Variants in TENM4 observed in about 807,000 individuals in gnomAD.
TENM4 encodes teneurin-4.
In TENM4, 82 loss-of-function variants were observed where a neutral mutation model predicts 243.3. That is an observed-to-expected ratio of 0.34 (90% CI 0.28 to 0.40). TENM4 has a LOEUF of 0.40. TENM4 is among the 10% of genes least tolerant of loss of function. The probability of loss-of-function intolerance (pLI) is 1.00; values close to 1 mark genes in which losing one functional copy is unlikely to be tolerated. For missense variants in TENM4, 3,138 were observed against 3,673.3 expected, an observed-to-expected ratio of 0.85 and a Z score of 3.77; for synonymous variants, 1,412 against 1,456.3, an observed-to-expected ratio of 0.97 and a Z score of 0.69.
At chr11:79,193,913 G>C (rs949338597) in intron 3 of TENM4, among the ~76,000 whole-genome samples, 1 of 152,168 alleles carries the variant, frequency 6.6e-6, no homozygotes, top group Non-Finnish European at 1.5e-5. Context: ...TCCAGACAGG[G>C]CCATGGGAGT....
At chr11:78,993,786 G>T (rs1858102134) in intron 6 of TENM4, among the ~76,000 whole-genome samples, 2 of 152,100 alleles carry the variant, frequency 1.3e-5, no homozygotes, top group Non-Finnish European at 2.9e-5. Context: ...TCCTTGAACA[G>T]ATTTATAGTA....
At chr11:78,842,973 A>G (rs576604799) in intron 12 of TENM4, among the ~76,000 whole-genome samples, 1 of 152,238 alleles carries the variant, frequency 6.6e-6, no homozygotes, top group South Asian at 2.1e-4. Flanking sequence ...CAGGAGTTCA[A>G]AACCAGTCGG....
intron 20 of TENM4, among the ~76,000 whole-genome samples, chr11:78,735,272 G>A (rs1226027741): frequency 6.6e-6 from 1 of 152,160 alleles, no homozygotes; most frequent in Non-Finnish European, 1.5e-5. Context: ...CCTGAGGTGG[G>A]GTTTATTTTG....
chr11:78,732,225 T>C (rs545581307), intron 21 of TENM4, 91 bp downstream of exon 21: 1 of 1,492,382 alleles, frequency 6.7e-7, no homozygotes, highest in Admixed American at 2.3e-5. Flanking sequence ...CCTACAGAGG[T>C]GTTTTTTCTC....
chr11:79,202,492 T>G (rs894889203), intron 3 of TENM4, among the ~76,000 whole-genome samples: 4 of 152,212 alleles, frequency 2.6e-5, no homozygotes, highest in Non-Finnish European at 5.9e-5. Context: ...GAAAACCAAT[T>G]TAAATAAACT....
intron 9 of TENM4, among the ~76,000 whole-genome samples, chr11:78,867,253 C>G (rs1415861309): frequency 6.6e-6 from 1 of 152,048 alleles, no homozygotes; most frequent in East Asian, 1.9e-4. Context: ...CTCCAAACCT[C>G]CCACTAGCCT....
chr11:78,754,972 A>G (rs1856273174), intron 19 of TENM4, among the ~76,000 whole-genome samples: 1 of 152,112 alleles, frequency 6.6e-6, no homozygotes, highest in South Asian at 2.1e-4. Flanking sequence ...GGTGGTGGAA[A>G]GTGCAGGGGC....
At position 79,423,208 on chromosome 11, in the gene TENM4, C is replaced by A. The variant is rs896399323; in HGVS notation, c.-321+17301G>T. Reference sequence around the variant, plus strand: ...CTGGAGAGGTAACATTGACTAAGCACCTACCATGTGCCAGGCACCCTGCCA... The same window carrying A: ...CTGGAGAGGTAACATTGACTAAGCAACTACCATGTGCCAGGCACCCTGCCA... On this transcript the variant is annotated intron_variant, in intron 1 of 33. Coordinates refer to ENST00000278550, the MANE Select transcript of TENM4 (RefSeq NM_001098816.3). Among the ~76,000 whole-genome samples the A allele has an allele frequency of 6.6e-5, 10 of 152,164 alleles. 1 individual carries two copies. The highest frequency in any genetic ancestry group is 2.6e-4 in the Admixed American group (4 of 15,274).
intron 1 of TENM4, among the ~76,000 whole-genome samples, chr11:79,352,643 CA>C (rs1413254070): frequency 1.3e-5 from 2 of 152,132 alleles, no homozygotes; most frequent in African/African-American, 4.8e-5. Flanking sequence ...GCGAGAGAGG[CA>C]AGGGGAAAAT....
intron 1 of TENM4, among the ~76,000 whole-genome samples, chr11:79,398,395 A>G (rs894592122): frequency 6.6e-6 from 1 of 152,108 alleles, no homozygotes; most frequent in Admixed American, 6.5e-5. Flanking sequence ...CAGGGTCCTG[A>G]GAGAGAGCTG....
intron 1 of TENM4, among the ~76,000 whole-genome samples, chr11:79,426,589 T>C (rs1228414868): frequency 1.3e-5 from 2 of 151,906 alleles, no homozygotes; most frequent in South Asian, 2.1e-4. Context: ...GCATGAAGAG[T>C]GGTCCGCTGT....
At chr11:79,061,948 G>C (rs1190445665) in intron 6 of TENM4, among the ~76,000 whole-genome samples, 1 of 148,560 alleles carries the variant, frequency 6.7e-6, no homozygotes, top group African/African-American at 2.5e-5. Flanking sequence ...CTTAGGTTGA[G>C]ATAATCGGTG....
chr11:78,953,508 A>G (rs374941666), intron 6 of TENM4, among the ~76,000 whole-genome samples: 4 of 152,334 alleles, frequency 2.6e-5, no homozygotes, highest in African/African-American at 7.2e-5. Context: ...AGCCTTATCC[A>G]TATTTTCTCA....
intron 23 of TENM4, 106 bp downstream of exon 23, chr11:78,725,973 G>A (rs750874706): frequency 6.0e-5 from 88 of 1,455,604 alleles, no homozygotes; most frequent in Non-Finnish European, 8.1e-5. Flanking sequence ...GACCACATAG[G>A]AGCCTATGGG....
intron 1 of TENM4, among the ~76,000 whole-genome samples, chr11:79,388,752 G>A (rs1394164685): frequency 6.6e-6 from 1 of 152,218 alleles, no homozygotes; most frequent in Non-Finnish European, 1.5e-5. Context: ...AGGGTTCCAA[G>A]AGGTAAATGA....
chr11:79,221,282 A>G (rs1864148620), intron 2 of TENM4, among the ~76,000 whole-genome samples: 1 of 152,202 alleles, frequency 6.6e-6, no homozygotes, highest in Non-Finnish European at 1.5e-5. Context: ...GTAAAGAAAT[A>G]AAACTTGTTG....
chr11:78,722,343 A>C (rs892483895), intron 24 of TENM4, among the ~76,000 whole-genome samples: 1 of 152,146 alleles, frequency 6.6e-6, no homozygotes, highest in East Asian at 1.9e-4. Flanking sequence ...GGTTCATGTG[A>C]CTCATTCTAA....
chr11:79,325,911 C>G (rs111999684), intron 1 of TENM4, among the ~76,000 whole-genome samples: 11 of 152,292 alleles, frequency 7.2e-5, no homozygotes, highest in African/African-American at 2.4e-4. Flanking sequence ...AAATTTCGCA[C>G]CAGGGTGGGA....
chr11:79,051,078 T>C (rs566197936), intron 6 of TENM4, among the ~76,000 whole-genome samples: 2 of 152,252 alleles, frequency 1.3e-5, no homozygotes, highest in South Asian at 2.1e-4. Context: ...ATGAGGCCGA[T>C]ATCTACCTCA....
Sources: gnomAD v4.1 joint callset for allele counts (sites outside exome capture counted in the v4.1 genomes callset) on GRCh38, gnomAD v4.1.1 for gene constraint, MANE v1.5 for transcripts, NCBI Gene and HGNC (gene_info 2026-07-23, HGNC 2026-07-21) for gene names.